The following TBC1D12 variants were observed in gnomAD, a reference collection of about 807,000 sequenced individuals.
The protein encoded by TBC1D12 is TBC1 domain family, member 12.
In TBC1D12, 56 loss-of-function variants were observed where a neutral mutation model predicts 86.7. That is an observed-to-expected ratio of 0.65 (90% CI 0.52 to 0.81). The LOEUF is 0.81. Among genes scored for constraint, TBC1D12 ranks in the 30% least tolerant of loss-of-function variants. TBC1D12 has a pLI of 0.00. For missense variants in TBC1D12, 1,023 were observed against 1,038.8 expected (o/e 0.98, Z 0.21); for synonymous variants, 421 against 411.7 (o/e 1.02, Z -0.27).
rs1033098571 is a variant in TBC1D12, at chr10:94,536,133, A to G, written c.*3037A>G. ...CTCTTGAGCCCAGTATGTAGGAAAT[A>G]TGTGATAATTCACATGGTCAGTATA... On this transcript the variant is annotated 3_prime_UTR_variant, in exon 13 of 13. Transcript: ENST00000225235. Among the ~76,000 whole-genome samples the G allele has an allele frequency of 2.6e-5, 4 of 152,092 alleles. No individual in the cohort carries two copies. Among genetic ancestry groups the G allele is most frequent in the African/African-American group, 9.7e-5 (4 of 41,430 alleles).
At chr10:94,482,070 A>G (rs536123047) in intron 3 of TBC1D12, among the ~76,000 whole-genome samples, 1 of 152,250 alleles carries the variant, frequency 6.6e-6, no homozygotes, top group African/African-American at 2.4e-5. Context: ...AACTCATGTC[A>G]TGGGGGTTTG....
intron 1 of TBC1D12, among the ~76,000 whole-genome samples, chr10:94,406,891 A>C (rs2054860595): frequency 6.6e-6 from 1 of 152,184 alleles, no homozygotes; most frequent in Non-Finnish European, 1.5e-5. Context: ...TGAAACCAGG[A>C]TTCCTGATTT....
chr10:94,512,970 C>T (rs1004839423), intron 9 of TBC1D12, among the ~76,000 whole-genome samples: 7 of 152,084 alleles, frequency 4.6e-5, no homozygotes, highest in Admixed American at 6.5e-5. Flanking sequence ...CCAGGCATGC[C>T]GGGCGTGGTG....
intron 9 of TBC1D12, among the ~76,000 whole-genome samples, chr10:94,515,257 G>A (rs1463231136): frequency 6.6e-6 from 1 of 151,418 alleles, no homozygotes; most frequent in Non-Finnish European, 1.5e-5. Context: ...TTGTCTTTTT[G>A]GTAATAGCCA....
chr10:94,498,759 A>G (rs1224608537), intron 5 of TBC1D12, among the ~76,000 whole-genome samples: 1 of 148,032 alleles, frequency 6.8e-6, no homozygotes, highest in African/African-American at 2.5e-5. Flanking sequence ...CCCTACCGTG[A>G]TGTGTTTTTT....
intron 2 of TBC1D12, among the ~76,000 whole-genome samples, chr10:94,458,368 C>T (rs1323610323): frequency 6.6e-6 from 1 of 152,158 alleles, no homozygotes; most frequent in Non-Finnish European, 1.5e-5. Flanking sequence ...GATGTAGCCC[C>T]TTGACCTTGT....
chr10:94,474,643 T>A (rs758774854), intron 2 of TBC1D12, 25 bp from the exon 3 acceptor site: 5 of 1,558,094 alleles, frequency 3.2e-6, no homozygotes, highest in Middle Eastern at 3.4e-4. Flanking sequence ...AGTTTCTGCA[T>A]AAGGTATGTT....
intron 2 of TBC1D12, among the ~76,000 whole-genome samples, chr10:94,453,211 TC>T (rs572543055): frequency 2.4e-3 from 366 of 152,308 alleles, no homozygotes; most frequent in African/African-American, 8.5e-3. Flanking sequence ...ATACCTTCTT[TC>T]TATGGCTTGT....
chr10:94,474,353 C>CT (rs1564964893), intron 2 of TBC1D12, among the ~76,000 whole-genome samples: 13 of 150,664 alleles, frequency 8.6e-5, no homozygotes, highest in African/African-American at 2.9e-4. Context: ...AAAAAAACAA[C>CT]TTTTTTTATG....
intron 1 of TBC1D12, among the ~76,000 whole-genome samples, chr10:94,435,771 A>G (rs1286744202): frequency 6.6e-6 from 1 of 152,198 alleles, no homozygotes; most frequent in African/African-American, 2.4e-5. Flanking sequence ...ATTAGAAGAA[A>G]AATTCTCCTG....
chr10:94,489,770 T>G (rs887758351), intron 3 of TBC1D12, among the ~76,000 whole-genome samples: 4 of 152,144 alleles, frequency 2.6e-5, no homozygotes, highest in South Asian at 2.1e-4. Flanking sequence ...CCTGAAGAGA[T>G]AGAGAGAGAT....
chr10:94,439,614 C>T (rs140023606), intron 1 of TBC1D12, among the ~76,000 whole-genome samples: 371 of 152,298 alleles, frequency 2.4e-3, no homozygotes, highest in African/African-American at 8.6e-3. Flanking sequence ...CACTTCTACC[C>T]GATCCACTCT....
In TBC1D12 at chr10:94,535,459, C is replaced by T. The variant is rs1269910706; in HGVS notation, c.*2363C>T. 2.0e-5 allele frequency: 3 copies of T among 152,128 alleles called. No individual in the cohort carries two copies. The highest frequency in any genetic ancestry group is 4.4e-5 in the Non-Finnish European group (3 of 68,000). The allele number at this position is 152,128 out of a possible 1,614,324, so 9.4% of individuals were successfully genotyped here. A position where few individuals can be genotyped will look rare whatever the true frequency, so the allele number is the denominator to read the frequency against. On this transcript the variant is annotated 3_prime_UTR_variant, in exon 13 of 13. Coordinates refer to ENST00000225235, the MANE Select transcript of TBC1D12 (RefSeq NM_015188.2). ...ATCCTTGTTAGTGTAGTGACTGCCT[C>T]TTTAGGAGTATGGGGCCCTAGGGTG...
chr10:94,526,140 T>G (rs1464631716), intron 11 of TBC1D12, among the ~76,000 whole-genome samples: 1 of 152,148 alleles, frequency 6.6e-6, no homozygotes, highest in African/African-American at 2.4e-5. Context: ...TTTACTTTTA[T>G]GAGATCAGCT....
intron 3 of TBC1D12, among the ~76,000 whole-genome samples, chr10:94,489,407 A>G (rs1385263000): frequency 1.3e-5 from 2 of 152,188 alleles, no homozygotes; most frequent in South Asian, 2.1e-4. Context: ...GGTGTTGGCA[A>G]TTTAAGACTG....
intron 2 of TBC1D12, among the ~76,000 whole-genome samples, chr10:94,461,834 T>C (rs1320400808): frequency 1.3e-5 from 2 of 152,208 alleles, no homozygotes; most frequent in Non-Finnish European, 2.9e-5. Context: ...TTCATGTCTT[T>C]GGTGAATCTA....
chr10:94,464,699 T>A (rs2055780776), intron 2 of TBC1D12, among the ~76,000 whole-genome samples: 1 of 152,188 alleles, frequency 6.6e-6, no homozygotes, highest in African/African-American at 2.4e-5. Flanking sequence ...CTCAAAGGGT[T>A]TTTGTTTATG....
intron 1 of TBC1D12, among the ~76,000 whole-genome samples, chr10:94,420,398 C>T (rs2055057809): frequency 6.6e-6 from 1 of 152,204 alleles, no homozygotes; most frequent in Non-Finnish European, 1.5e-5. Context: ...CTAAGACATG[C>T]ATATGACATA....
intron 2 of TBC1D12, among the ~76,000 whole-genome samples, chr10:94,447,879 G>A (rs1441734813): frequency 6.7e-6 from 1 of 148,570 alleles, no homozygotes; most frequent in Non-Finnish European, 1.5e-5. Flanking sequence ...TTGCATACTA[G>A]ATTGAATATG....
Sources: allele counts gnomAD v4.1 joint callset (sites outside exome capture counted in the v4.1 genomes callset), GRCh38; gene constraint gnomAD v4.1.1; transcripts MANE v1.5; gene names NCBI Gene and HGNC (gene_info 2026-07-23, HGNC 2026-07-21).